The following FRMD4B variants were observed in gnomAD, a reference collection of about 807,000 sequenced individuals.
FRMD4B encodes the protein FERM domain containing 4B, also known as FERM domain-containing protein 4B.
Under a neutral mutation model 141.5 loss-of-function variants are expected in FRMD4B, and 74 were observed. That is an observed-to-expected ratio of 0.52 (90% confidence interval 0.43 to 0.63). The LOEUF is 0.63. FRMD4B is among the 30% of genes least tolerant of loss of function. The pLI is 0.00. For synonymous variants in FRMD4B, 506 were observed against 467.9 expected, an observed-to-expected ratio of 1.08 and a Z score of -1.05; for missense variants, 1,366 against 1,253.4, an observed-to-expected ratio of 1.09 and a Z score of -1.36.
chr3:69,358,381 T>C (rs1307069806), intron 1 of FRMD4B, among the ~76,000 whole-genome samples: 2 of 152,208 alleles, frequency 1.3e-5, no homozygotes, highest in Admixed American at 1.3e-4. Flanking sequence ...CATTGTGCTA[T>C]GGTTTGAATG....
intron 1 of FRMD4B, among the ~76,000 whole-genome samples, chr3:69,376,305 G>C (rs1193029899): frequency 6.6e-6 from 1 of 152,012 alleles, no homozygotes; most frequent in Admixed American, 6.6e-5. Flanking sequence ...AACAGTGCTG[G>C]GAGCATAGAT....
chr3:69,410,588 C>G (rs926558942), intron 2 of FRMD4B, among the ~76,000 whole-genome samples: 2 of 150,922 alleles, frequency 1.3e-5, no homozygotes, highest in Non-Finnish European at 2.9e-5. Context: ...CAGGCATGGC[C>G]CAGAAACGGC....
intron 1 of FRMD4B, among the ~76,000 whole-genome samples, chr3:69,330,186 T>C (rs1702318458): frequency 6.6e-6 from 1 of 151,954 alleles, no homozygotes; most frequent in Admixed American, 6.6e-5. Context: ...AATGAGTTGA[T>C]TTTCCTTCAT....
Position 69,536,175 on chromosome 3 carries a change from C to T in FRMD4B, c.-129+6031G>A, listed in dbSNP as rs148913392. On this transcript the variant is annotated intron_variant, in intron 1 of 5. Coordinates refer to the FRMD4B transcript ENST00000459638. The stretch of plus-strand genomic sequence containing the variant: ...TGCACCTCTGCTGGCCTCTTCGCTG[C>T]CTTCTTCACCTTGCCCGCGTTAGGA... 3.3e-4 allele frequency: 184 copies of T among 549,374 alleles called. 1 individual carries two copies. Among genetic ancestry groups the T allele is most frequent in the African/African-American group, 3.3e-3 (173 of 52,244 alleles). 34.0% of individuals were successfully genotyped at this position (549,374 alleles called of 1,614,324 possible). A position where few individuals can be genotyped will look rare whatever the true frequency, so the allele number is the denominator to read the frequency against.
chr3:69,505,823 C>G (rs1706585961), intron 1 of FRMD4B, among the ~76,000 whole-genome samples: 1 of 152,188 alleles, frequency 6.6e-6, no homozygotes, highest in Non-Finnish European at 1.5e-5. Flanking sequence ...GTGAAATCTA[C>G]TCACACATTT....
chr3:69,425,573 T>C (rs969551381), intron 2 of FRMD4B, among the ~76,000 whole-genome samples: 5 of 152,194 alleles, frequency 3.3e-5, no homozygotes, highest in African/African-American at 9.6e-5. Flanking sequence ...CATGTCTTCT[T>C]TTGCCCCTAC....
At chr3:69,470,817 C>T (rs2106944667) in intron 1 of FRMD4B, among the ~76,000 whole-genome samples, 1 of 151,560 alleles carries the variant, frequency 6.6e-6, no homozygotes, top group South Asian at 2.1e-4. Context: ...CAAGATCTAC[C>T]CAATTCATAT....
Position 69,412,078 on chromosome 3 carries a change from A to G in FRMD4B, c.-1+20556T>C, listed in dbSNP as rs576056045. On this transcript the variant is annotated intron_variant, in intron 2 of 5. Coordinates refer to the FRMD4B transcript ENST00000459638. ...TTCAGCACTTTTCATCTATAAATTT[A>G]TTAATGTGCTCAAAAACCCTAGGAG... is the stretch of plus-strand genomic sequence containing the variant. Among the ~76,000 whole-genome samples, 139 of 152,332 alleles carry G rather than the reference A, an allele frequency of 9.1e-4. 2 individuals are homozygous for G. Among genetic ancestry groups the G allele is most frequent in the African/African-American group, 3.3e-3 (138 of 41,572 alleles).
intron 1 of FRMD4B, among the ~76,000 whole-genome samples, chr3:69,375,931 T>C (rs1477798629): frequency 6.6e-6 from 1 of 152,230 alleles, no homozygotes; most frequent in African/African-American, 2.4e-5. Flanking sequence ...TTCACTGTAC[T>C]GTTATTTGGA....
chr3:69,181,428 T>G lies in FRMD4B; in HGVS notation c.2322A>C (p.Ser774=). ...CTAGGTTGGGCATGCTTCCTGAATT[T>G]GAAGTAGAAACATTCTGTTTCTTTG... is the stretch of plus-strand genomic sequence containing the variant. ...RRSKKQNVST[S]NSGSMPNLAQ... is the part of the protein sequence containing the mutation. Residue 774 remains serine, a synonymous_variant, in exon 21 of 23, where the codon TCA becomes TCC. Transcript: ENST00000398540. 5.0e-6 allele frequency: 8 copies of G among 1,613,902 alleles called. No individual in the cohort carries two copies. The highest frequency in any genetic ancestry group is 6.8e-6 in the Non-Finnish European group (8 of 1,179,858).
chr3:69,175,925 C>T (rs964143644), intron 22 of FRMD4B, among the ~76,000 whole-genome samples: 6 of 151,950 alleles, frequency 3.9e-5, no homozygotes, highest in East Asian at 3.9e-4. Flanking sequence ...GGACTACAAG[C>T]GCCCGCCACC....
chr3:69,266,450 T>C (rs553324275), intron 5 of FRMD4B, among the ~76,000 whole-genome samples: 1 of 152,188 alleles, frequency 6.6e-6, no homozygotes, highest in African/African-American at 2.4e-5. Flanking sequence ...CTCAGCCTCC[T>C]AAGCAGCTGG....
At chr3:69,190,386 C>T (rs935579584) in intron 17 of FRMD4B, among the ~76,000 whole-genome samples, 6 of 144,956 alleles carry the variant, frequency 4.1e-5, no homozygotes, top group African/African-American at 1.5e-4. Context: ...GGCTTTTGAC[C>T]CCTCCCTGAA....
chr3:69,287,547 C>A, intron 5 of FRMD4B: 1 of 542,290 alleles, frequency 1.8e-6, no homozygotes, highest in Non-Finnish European at 3.3e-6. Flanking sequence ...GATTCCCGTG[C>A]AGATGGTTGT....
chr3:69,460,044 C>T (rs1472176212), intron 1 of FRMD4B, among the ~76,000 whole-genome samples: 1 of 152,094 alleles, frequency 6.6e-6, no homozygotes. Context: ...AATGAATGAA[C>T]CAAGGAATAA....
Position 69,181,236 on chromosome 3 carries a change from G to C in FRMD4B, c.2514C>G (p.Ser838=). 2 of 1,613,880 alleles carry C rather than the reference G, an allele frequency of 1.2e-6. No homozygotes were observed. Among genetic ancestry groups the C allele is most frequent in the Non-Finnish European group, 1.7e-6 (2 of 1,179,784 alleles). ...ATCCATAGTGGGCTGAGGACCGGTA[G>C]GAAGGGTTGACACTATACTGTCCCT... ...DTEGQYSVNP[S]YRSSAHYGYE... is the part of the protein sequence containing the mutation. Residue 838 remains serine (S), a synonymous_variant, in exon 21 of 23, where the codon TCC becomes TCG. Transcript: ENST00000398540.
intron 11 of FRMD4B, among the ~76,000 whole-genome samples, chr3:69,211,644 G>T (rs892008298): frequency 1.3e-5 from 2 of 152,048 alleles, no homozygotes; most frequent in Non-Finnish European, 2.9e-5. Flanking sequence ...CCTTCTTCTG[G>T]CCTGCTTTTA....
At chr3:69,367,325 C>G (rs1159691652) in intron 1 of FRMD4B, among the ~76,000 whole-genome samples, 1 of 152,180 alleles carries the variant, frequency 6.6e-6, no homozygotes, top group Non-Finnish European at 1.5e-5. Context: ...CATCCACTTA[C>G]ACTTCCCAGA....
intron 7 of FRMD4B, among the ~76,000 whole-genome samples, chr3:69,245,661 TTTC>T (rs959265742): frequency 2.5e-5 from 2 of 81,100 alleles, no homozygotes; most frequent in African/African-American, 9.2e-5. Flanking sequence ...CTGATTTTCT[TTTC>T]TTTTTTTTTT....
Sources: gnomAD v4.1 joint callset for allele counts (sites outside exome capture counted in the v4.1 genomes callset) on GRCh38, gnomAD v4.1.1 for gene constraint, MANE v1.5 for transcripts, NCBI Gene and HGNC (gene_info 2026-07-23, HGNC 2026-07-21) for gene names.